Variants in DLG2 observed in about 807,000 individuals in gnomAD.
DLG2 encodes disks large homolog 2.
A neutral mutation model predicts 132.5 loss-of-function variants in DLG2; 45 were observed. The ratio of observed to expected loss-of-function variants is 0.34; its 90% confidence interval spans 0.27 to 0.44. The LOEUF (loss-of-function observed/expected upper bound fraction) is 0.44, where lower values mean the gene tolerates loss of function less well. Among genes scored for constraint, DLG2 ranks in the 20% least tolerant of loss-of-function variants. The pLI, the probability that DLG2 is intolerant of heterozygous loss-of-function variation, is 1.00. For missense variants in DLG2, 1,045 were observed against 1,196.9 expected, an observed-to-expected ratio of 0.87 and a Z score of 1.87; for synonymous variants, 424 against 419.6, an observed-to-expected ratio of 1.01 and a Z score of -0.13.
intron 18 of DLG2, among the ~76,000 whole-genome samples, chr11:83,648,730 T>C (rs1398623985): frequency 6.6e-6 from 1 of 151,994 alleles, no homozygotes; most frequent in Admixed American, 6.6e-5. Flanking sequence ...CCCTGAGGAG[T>C]CTTCTTAAAC....
At position 85,205,266 on chromosome 11, in the gene DLG2, G is replaced by C. The variant is rs2081799335; in HGVS notation, c.187-50615C>G. 2.0e-5 allele frequency among the ~76,000 whole-genome samples: 3 copies of C among 151,380 alleles called. No homozygotes were observed. In the South Asian group the frequency reaches 6.3e-4, roughly 32 times the overall value. On this transcript the variant is annotated intron_variant, in intron 4 of 27. Coordinates refer to ENST00000376104, the MANE Select transcript of DLG2 (RefSeq NM_001142699.3). ...ATAGAAATGGAGGTCAGTGTGCTAAGTGAAATAAACCAGGTACAAAAAGAC... is the reference window on the plus strand; with the variant it reads ...ATAGAAATGGAGGTCAGTGTGCTAACTGAAATAAACCAGGTACAAAAAGAC...
chr11:83,822,700 C>T (rs2051176091), intron 17 of DLG2, among the ~76,000 whole-genome samples: 1 of 152,186 alleles, frequency 6.6e-6, no homozygotes, highest in Non-Finnish European at 1.5e-5. Flanking sequence ...AGGATTTCCT[C>T]CTTGGCCTCT....
At position 84,996,019 on chromosome 11, in the gene DLG2, T is replaced by C. The variant is rs187044812; in HGVS notation, c.357+115642A>G. ...ACTGATCATCTCTTCGCATCTTCTA[T>C]TTCTGTCAGGAGGTCTGCTTGCTGT... On this transcript the variant is annotated intron_variant, in intron 6 of 27. Transcript: ENST00000376104. Among the ~76,000 whole-genome samples the C allele has an allele frequency of 2.3e-4, 35 of 152,314 alleles. No individual in the cohort carries two copies. The South Asian group carries it at 7.0e-3, about 31-fold the overall frequency.
chr11:83,890,092 C>G (rs1377556820), intron 15 of DLG2, among the ~76,000 whole-genome samples: 1 of 151,578 alleles, frequency 6.6e-6, no homozygotes, highest in Non-Finnish European at 1.5e-5. Context: ...CACATGTACC[C>G]TAAAACTTAA....
intron 7 of DLG2, among the ~76,000 whole-genome samples, chr11:84,310,904 T>G (rs757984163): frequency 6.6e-6 from 1 of 152,348 alleles, no homozygotes; most frequent in South Asian, 2.1e-4. Flanking sequence ...GCAAAGGAAC[T>G]ATGAGGGGAG....
intron 2 of DLG2, among the ~76,000 whole-genome samples, chr11:85,620,332 T>G (rs2081611850): frequency 6.6e-6 from 1 of 152,214 alleles, no homozygotes; most frequent in Non-Finnish European, 1.5e-5. Context: ...GTCCCCCTAT[T>G]CCTGGAGACA....
chr11:83,833,945 T>A, intron 16 of DLG2, among the ~76,000 whole-genome samples, 175 bp from the exon 17 acceptor site: 1 of 152,206 alleles, frequency 6.6e-6, no homozygotes, highest in East Asian at 1.9e-4. Context: ...GATGTTTGAG[T>A]TCCCCACTGC....
intron 4 of DLG2, among the ~76,000 whole-genome samples, chr11:85,180,169 T>C (rs1452454931): frequency 1.3e-5 from 2 of 151,892 alleles, no homozygotes; most frequent in African/African-American, 4.8e-5. Context: ...AAAGAATATA[T>C]ACTAATACCA....
intron 8 of DLG2, among the ~76,000 whole-genome samples, chr11:84,202,464 A>G (rs1425205744): frequency 2.0e-5 from 3 of 152,218 alleles, no homozygotes; most frequent in African/African-American, 7.2e-5. Flanking sequence ...TACAAAAATT[A>G]ACTCAAGATG....
At chr11:85,082,735 C>CTTTTTTTT (rs71036458) in intron 6 of DLG2, among the ~76,000 whole-genome samples, 2 of 113,406 alleles carry the variant, frequency 1.8e-5, no homozygotes, top group Non-Finnish European at 3.6e-5. Context: ...TCTTTTCTTT[C>CTTTTTTTT]TTTTTTTTTT....
intron 7 of DLG2, among the ~76,000 whole-genome samples, chr11:84,418,500 C>G (rs1322444714): frequency 6.6e-6 from 1 of 152,144 alleles, no homozygotes; most frequent in Non-Finnish European, 1.5e-5. Context: ...CATGAAATAA[C>G]TTACTCAAAA....
chr11:84,517,514 G>A (rs2099277452), intron 7 of DLG2, among the ~76,000 whole-genome samples: 1 of 151,744 alleles, frequency 6.6e-6, no homozygotes, highest in Non-Finnish European at 1.5e-5. Flanking sequence ...GCAAGGATGT[G>A]GAAAAAAGGG....
intron 4 of DLG2, among the ~76,000 whole-genome samples, chr11:85,201,951 T>C (rs1328016210): frequency 1.3e-5 from 2 of 151,204 alleles, no homozygotes; most frequent in East Asian, 3.9e-4. Context: ...AAATGAAAAA[T>C]GTAATAGAAT....
At chr11:84,268,902 T>C (rs769015247) in intron 7 of DLG2, among the ~76,000 whole-genome samples, 5 of 152,178 alleles carry the variant, frequency 3.3e-5, no homozygotes, top group Non-Finnish European at 5.9e-5. Flanking sequence ...CTATCACTTT[T>C]TGAACTGCCA....
chr11:85,303,216 C>T (rs2079715999), intron 3 of DLG2, among the ~76,000 whole-genome samples: 1 of 152,192 alleles, frequency 6.6e-6, no homozygotes, highest in Non-Finnish European at 1.5e-5. Context: ...GAAGGTGGTG[C>T]TCTGGAACTA....
chr11:83,605,948 T>A (rs981922140), intron 19 of DLG2, among the ~76,000 whole-genome samples: 1 of 152,256 alleles, frequency 6.6e-6, no homozygotes, highest in Non-Finnish European at 1.5e-5. Flanking sequence ...TCGCTGTGAT[T>A]TACTTATCTG....
intron 18 of DLG2, among the ~76,000 whole-genome samples, chr11:83,761,168 A>G (rs2093889502): frequency 6.6e-6 from 1 of 152,182 alleles, no homozygotes; most frequent in Non-Finnish European, 1.5e-5. Context: ...AAGCAGAATG[A>G]CAGTGAGAAT....
intron 4 of DLG2, among the ~76,000 whole-genome samples, chr11:85,185,583 C>T (rs2080036363): frequency 6.6e-6 from 1 of 151,688 alleles, no homozygotes; most frequent in South Asian, 2.1e-4. Context: ...TTTTGTAAAA[C>T]CTTTTCCCAG....
intron 8 of DLG2, among the ~76,000 whole-genome samples, chr11:84,234,644 G>C (rs775193475): frequency 1.7e-4 from 26 of 152,112 alleles, no homozygotes; most frequent in Non-Finnish European, 2.5e-4. Context: ...GATGGGAATG[G>C]GTGGTTGGAC....
Sources: allele counts gnomAD v4.1 joint callset (sites outside exome capture counted in the v4.1 genomes callset), GRCh38; gene constraint gnomAD v4.1.1; transcripts MANE v1.5; gene names NCBI Gene and HGNC (gene_info 2026-07-23, HGNC 2026-07-21).